GRID2: variants seen among roughly 807,000 people sequenced by gnomAD.
GRID2 encodes glutamate ionotropic receptor delta type subunit 2.
In GRID2, 33 loss-of-function variants were observed where a neutral mutation model predicts 114.8. That is an observed-to-expected ratio of 0.29 (90% confidence interval 0.22 to 0.38). The LOEUF is 0.38. Among genes scored for constraint, GRID2 ranks in the 10% least tolerant of loss-of-function variants. The pLI is 1.00. For synonymous variants in GRID2, 505 were observed against 449.9 expected, an observed-to-expected ratio of 1.12 and a Z score of -1.55; for missense variants, 1,184 against 1,257.7, an observed-to-expected ratio of 0.94 and a Z score of 0.89.
At chr4:92,504,169 A>T (rs2149125993) in intron 1 of GRID2, among the ~76,000 whole-genome samples, 1 of 152,220 alleles carries the variant, frequency 6.6e-6, no homozygotes, top group South Asian at 2.1e-4. Flanking sequence ...ATGAATGAGT[A>T]AAATTTCCAT....
intron 14 of GRID2, among the ~76,000 whole-genome samples, chr4:93,656,828 T>TAAAAAAAAA (rs1262693593): frequency 6.0e-5 from 1 of 16,766 alleles, no homozygotes; most frequent in Non-Finnish European, 1.0e-4. Context: ...AGACTCTGCC[T>TAAAAAAAAA]CAAAAAAAAA....
chr4:92,512,003 C>G (rs1724275927), intron 1 of GRID2, among the ~76,000 whole-genome samples: 1 of 151,730 alleles, frequency 6.6e-6, no homozygotes, highest in African/African-American at 2.4e-5. Flanking sequence ...ATTCACCATT[C>G]TACATCCCAT....
chr4:92,905,988 C>A (rs1264111506), intron 2 of GRID2, among the ~76,000 whole-genome samples: 2 of 152,018 alleles, frequency 1.3e-5, no homozygotes, highest in East Asian at 3.9e-4. Flanking sequence ...TTATCAATCA[C>A]AAATGGGTGT....
At chr4:92,847,170 C>A (rs1332960433) in intron 2 of GRID2, among the ~76,000 whole-genome samples, 1 of 152,026 alleles carries the variant, frequency 6.6e-6, no homozygotes, top group South Asian at 2.1e-4. Context: ...TAGCCATTGT[C>A]AGTGTTGCAA....
intron 2 of GRID2, among the ~76,000 whole-genome samples, chr4:92,866,668 C>G (rs902881351): frequency 2.0e-5 from 3 of 151,690 alleles, no homozygotes; most frequent in Non-Finnish European, 4.4e-5. Context: ...CTCAGCCTCC[C>G]GAGTAGCTGG....
At chr4:93,599,415 C>A (rs1039616424) in intron 13 of GRID2, among the ~76,000 whole-genome samples, 3 of 152,174 alleles carry the variant, frequency 2.0e-5, no homozygotes, top group African/African-American at 7.2e-5. Context: ...GTAGGCATTT[C>A]TTTAAGTGAA....
chr4:92,627,529 T>A (rs1326136482), intron 2 of GRID2, among the ~76,000 whole-genome samples: 7 of 152,146 alleles, frequency 4.6e-5, no homozygotes, highest in Non-Finnish European at 8.8e-5. Context: ...TATAGCCAAT[T>A]GATTCTCACA....
intron 11 of GRID2, among the ~76,000 whole-genome samples, chr4:93,485,900 C>A (rs1239841847): frequency 6.6e-6 from 1 of 151,456 alleles, no homozygotes; most frequent in Non-Finnish European, 1.5e-5. Flanking sequence ...ATACACACAA[C>A]CTGGGATTTT....
intron 1 of GRID2, among the ~76,000 whole-genome samples, chr4:92,449,709 A>T (rs1048696909): frequency 7.0e-6 from 1 of 142,836 alleles, no homozygotes; most frequent in South Asian, 2.2e-4. Flanking sequence ...ATATATATAT[A>T]TAACACTTAA....
intron 2 of GRID2, among the ~76,000 whole-genome samples, chr4:92,705,532 G>T (rs1734913200): frequency 6.6e-6 from 1 of 152,116 alleles, no homozygotes; most frequent in Non-Finnish European, 1.5e-5. Flanking sequence ...TAAAGTATCA[G>T]AATTGTACTC....
chr4:92,789,852 G>C (rs1739496163), intron 2 of GRID2, among the ~76,000 whole-genome samples: 1 of 151,786 alleles, frequency 6.6e-6, no homozygotes, highest in South Asian at 2.1e-4. Flanking sequence ...ATATTTGTTA[G>C]AAGTCAATAT....
chr4:92,522,914 A>T (rs1724860528), intron 1 of GRID2, among the ~76,000 whole-genome samples: 1 of 151,994 alleles, frequency 6.6e-6, no homozygotes, highest in South Asian at 2.1e-4. Flanking sequence ...TGGCCCCTTA[A>T]GCAGTGGAAA....
intron 2 of GRID2, among the ~76,000 whole-genome samples, chr4:93,006,256 G>T (rs1270997896): frequency 6.6e-6 from 1 of 151,990 alleles, no homozygotes; most frequent in Non-Finnish European, 1.5e-5. Flanking sequence ...TGTAACAATA[G>T]TTCTGGCTCT....
rs549838202 is a variant in GRID2, at chr4:92,711,539, TTTCCTCAAATCC to T, written c.244+121257_244+121268del. ...ATCCATTTCTGCAATAGAGTAACTG[TTTCCTCAAATCC>T]TTCTCACACTTCAAACATCTGTATT... On this transcript the variant is annotated intron_variant, in intron 2 of 15. Coordinates refer to ENST00000282020, the MANE Select transcript of GRID2 (RefSeq NM_001510.4). Among the ~76,000 whole-genome samples, 1,104 of 152,326 alleles carry T rather than the reference TTTCCTCAAATCC, an allele frequency of 7.2e-3. 7 individuals carry two copies. The highest frequency in any genetic ancestry group is 0.027 in the Middle Eastern group (8 of 294).
At chr4:92,948,822 C>G (rs1751829493) in intron 2 of GRID2, among the ~76,000 whole-genome samples, 1 of 151,800 alleles carries the variant, frequency 6.6e-6, no homozygotes, top group South Asian at 2.1e-4. Flanking sequence ...AGAATGAAAT[C>G]TACAGCATTT....
intron 1 of GRID2, among the ~76,000 whole-genome samples, chr4:92,305,305 T>C (rs1400861646): frequency 2.0e-5 from 3 of 152,042 alleles, no homozygotes; most frequent in Admixed American, 6.5e-5. Context: ...TCTTCTCACA[T>C]CTTCTTGGCT....
At position 93,485,807 on chromosome 4, in the gene GRID2, A is replaced by G. The variant is rs147537543; in HGVS notation, c.1859-4832A>G. On this transcript the variant is annotated intron_variant, in intron 11 of 15. Coordinates refer to ENST00000282020, the MANE Select transcript of GRID2 (RefSeq NM_001510.4). ...GCCAGTTTTTTTCTTCTTCCTGAAG[A>G]GTATCTTGGCAATTTTTGTACTTTT... 4.2e-3 allele frequency among the ~76,000 whole-genome samples: 637 copies of G among 151,804 alleles called. 10 individuals are homozygous for G. Among genetic ancestry groups the G allele is most frequent in the African/African-American group, 0.015 (604 of 41,516 alleles).
intron 4 of GRID2, among the ~76,000 whole-genome samples, chr4:93,200,566 AAAAC>A (rs35790342): frequency 1.5e-3 from 223 of 149,864 alleles, no homozygotes; most frequent in East Asian, 3.8e-3. Flanking sequence ...ACTCCGTCTC[AAAAC>A]AAACAAACAA....
At chr4:92,593,523 T>A (rs540219999) in intron 2 of GRID2, among the ~76,000 whole-genome samples, 1 of 152,034 alleles carries the variant, frequency 6.6e-6, no homozygotes, top group Admixed American at 6.6e-5. Context: ...TAGCAATTAA[T>A]CCTTTAGAAA....
Sources: allele counts gnomAD v4.1 joint callset (sites outside exome capture counted in the v4.1 genomes callset), GRCh38; gene constraint gnomAD v4.1.1; transcripts MANE v1.5; gene names NCBI Gene and HGNC (gene_info 2026-07-23, HGNC 2026-07-21).